Variants in ZFHX4 observed in about 807,000 individuals in gnomAD.
The protein encoded by ZFHX4 is zinc finger homeobox 4.
Under a neutral mutation model 267.6 loss-of-function variants are expected in ZFHX4, and 56 were observed. That is an observed-to-expected ratio of 0.21 (90% CI 0.17 to 0.26). The LOEUF (loss-of-function observed/expected upper bound fraction) is 0.26. Among genes scored for constraint, ZFHX4 ranks in the 10% least tolerant of loss-of-function variants. ZFHX4 has a pLI of 1.00. For missense variants in ZFHX4, 4,332 were observed against 4,420.0 expected, an observed-to-expected ratio of 0.98 and a Z score of 0.56; for synonymous variants, 1,778 against 1,665.6, an observed-to-expected ratio of 1.07 and a Z score of -1.64.
intron 4 of ZFHX4, among the ~76,000 whole-genome samples, chr8:76,815,932 A>G (rs1159285517): frequency 6.6e-6 from 1 of 152,214 alleles, no homozygotes; most frequent in Non-Finnish European, 1.5e-5. Context: ...CACAAGTAAC[A>G]TGTATGAGGT....
chr8:76,775,869 A>G (rs1810386805), intron 3 of ZFHX4, among the ~76,000 whole-genome samples: 1 of 150,428 alleles, frequency 6.6e-6, no homozygotes, highest in Non-Finnish European at 1.5e-5. Flanking sequence ...CAGGGTGAAG[A>G]TGGGTTGGTG....
chr8:76,702,766 A>G (rs150041104), intron 1 of ZFHX4, among the ~76,000 whole-genome samples: 108 of 152,324 alleles, frequency 7.1e-4, no homozygotes, highest in African/African-American at 2.5e-3. Context: ...CAAATTTAAG[A>G]TTTGAAATAA....
chr8:76,791,272 T>TGATTCTG (rs1810828866), intron 4 of ZFHX4, among the ~76,000 whole-genome samples: 1 of 152,194 alleles, frequency 6.6e-6, no homozygotes, highest in Non-Finnish European at 1.5e-5. Context: ...ACAGCACTGC[T>TGATTCTG]GATTCTGGCC....
chr8:76,729,541 CATATT>C (rs1406946790), intron 3 of ZFHX4, among the ~76,000 whole-genome samples: 2 of 152,100 alleles, frequency 1.3e-5, no homozygotes, highest in Non-Finnish European at 2.9e-5. Flanking sequence ...ATTTCAGTGA[CATATT>C]ATTCCAATTA....
chr8:76,850,792 G>T, intron 9 of ZFHX4, 94 bp from the exon 10 acceptor site: 1 of 1,324,750 alleles, frequency 7.5e-7, no homozygotes, highest in East Asian at 2.6e-5. Flanking sequence ...TAATTAAGCA[G>T]AAGCCTTTAG....
chr8:76,781,095 G>T (rs1326204870), intron 4 of ZFHX4, among the ~76,000 whole-genome samples: 1 of 151,998 alleles, frequency 6.6e-6, no homozygotes, highest in Admixed American at 6.6e-5. Flanking sequence ...GAGTTTATCT[G>T]ATTACTTCAT....
chr8:76,842,323 T>C (rs1418251228), intron 5 of ZFHX4, among the ~76,000 whole-genome samples: 1 of 152,204 alleles, frequency 6.6e-6, no homozygotes, highest in African/African-American at 2.4e-5. Flanking sequence ...GTTTATGTTG[T>C]TACAAGGTTC....
chr8:76,796,310 A>G (rs1810978137), intron 4 of ZFHX4, among the ~76,000 whole-genome samples: 1 of 152,204 alleles, frequency 6.6e-6, no homozygotes. Context: ...TAGAGAAGAT[A>G]TAGCTGATTT....
At chr8:76,816,092 A>T (rs183965967) in intron 4 of ZFHX4, among the ~76,000 whole-genome samples, 1 of 152,340 alleles carries the variant, frequency 6.6e-6, no homozygotes, top group African/African-American at 2.4e-5. Context: ...CTCATTTTAC[A>T]GCTGAGGAAG....
intron 6 of ZFHX4, among the ~76,000 whole-genome samples, chr8:76,848,565 T>C (rs1207583275): frequency 6.6e-6 from 1 of 152,192 alleles, no homozygotes; most frequent in African/African-American, 2.4e-5. Context: ...TTATAACCAG[T>C]CAGCCCTTCT....
chr8:76,706,693 C>G lies in ZFHX4; in HGVS notation c.2590+15C>G. The G allele has an allele frequency of 6.5e-7, 1 of 1,535,448 alleles. No homozygotes were observed. Among genetic ancestry groups the G allele is most frequent in the Non-Finnish European group, 8.7e-7 (1 of 1,144,914 alleles). On this transcript the variant is annotated intron_variant, in intron 2 of 10. Transcript: ENST00000651372. Reference sequence around the variant, plus strand: ...ACCAGGGCTCGGTTAGTATTTCCTGCTTTTCTGCACTGTTGTTAGTTTCTA... The same window carrying G: ...ACCAGGGCTCGGTTAGTATTTCCTGGTTTTCTGCACTGTTGTTAGTTTCTA...
Position 76,795,703 on chromosome 8 carries a change from C to T in ZFHX4, c.3325+17264C>T, listed in dbSNP as rs753341459. On this transcript the variant is annotated intron_variant, in intron 4 of 10. Transcript: ENST00000651372. ...GATTATAGGCATGCACCACCACACC[C>T]GGCTAATCTTGTTTTTAGTAGAGAC... 4.6e-5 allele frequency among the ~76,000 whole-genome samples: 7 copies of T among 152,072 alleles called. No homozygotes were observed. In the East Asian group the frequency reaches 9.7e-4, roughly 21 times the overall value.
chr8:76,767,653 G>T (rs1810086292), intron 3 of ZFHX4, among the ~76,000 whole-genome samples: 1 of 152,138 alleles, frequency 6.6e-6, no homozygotes, highest in South Asian at 2.1e-4. Flanking sequence ...TTTTAAAAAA[G>T]AAATTAAGCC....
intron 3 of ZFHX4, among the ~76,000 whole-genome samples, chr8:76,721,837 C>T (rs1331154814): frequency 6.6e-6 from 1 of 152,120 alleles, no homozygotes; most frequent in Non-Finnish European, 1.5e-5. Flanking sequence ...ACCACCTCTC[C>T]ACCCATGTGA....
intron 5 of ZFHX4, chr8:76,834,051 C>A: frequency 2.7e-6 from 1 of 373,796 alleles, no homozygotes. Context: ...TATGTCTTTA[C>A]ATGGCTTGAT....
chr8:76,839,748 T>C (rs1320063337), intron 5 of ZFHX4, among the ~76,000 whole-genome samples: 1 of 152,216 alleles, frequency 6.6e-6, no homozygotes, highest in African/African-American at 2.4e-5. Context: ...TTCTACAGTA[T>C]CTATTTAGTA....
intron 4 of ZFHX4, among the ~76,000 whole-genome samples, chr8:76,820,732 T>C (rs1811626775): frequency 6.6e-6 from 1 of 152,246 alleles, no homozygotes; most frequent in Non-Finnish European, 1.5e-5. Context: ...TTATGTTCCA[T>C]AGGGATTTTC....
chr8:76,758,489 T>G (rs1203065571), intron 3 of ZFHX4, among the ~76,000 whole-genome samples: 1 of 151,956 alleles, frequency 6.6e-6, no homozygotes, highest in Non-Finnish European at 1.5e-5. Context: ...AGTTTTTTTG[T>G]TTGTTTGTTT....
At chr8:76,692,240 A>G (rs1807844198) in intron 1 of ZFHX4, among the ~76,000 whole-genome samples, 2 of 152,160 alleles carry the variant, frequency 1.3e-5, no homozygotes, top group South Asian at 4.1e-4. Context: ...CACTCCATTA[A>G]ATACAATAAT....
Sources: gnomAD v4.1 joint callset for allele counts (sites outside exome capture counted in the v4.1 genomes callset) on GRCh38, gnomAD v4.1.1 for gene constraint, MANE v1.5 for transcripts, NCBI Gene and HGNC (gene_info 2026-07-23, HGNC 2026-07-21) for gene names.